Variants in MSRA observed in about 807,000 individuals in gnomAD.
MSRA encodes the protein mitochondrial peptide methionine sulfoxide reductase.
MSRA carries 54 observed loss-of-function variants against 31.3 expected under a neutral mutation model. That is an observed-to-expected ratio of 1.73 (90% CI 1.39 to 2.17). The LOEUF (loss-of-function observed/expected upper bound fraction) is 2.17. Among genes scored for constraint, MSRA ranks in the 30% most tolerant of loss-of-function variants. The pLI, the probability that MSRA is intolerant of heterozygous loss-of-function variation, is 0.00. For missense variants in MSRA, 507 were observed against 300.9 expected (o/e 1.69, Z -5.07); for synonymous variants, 169 against 116.5 (o/e 1.45, Z -2.90).
Position 10,212,505 on chromosome 8 carries a change from C to A in MSRA, c.211+4604C>A, listed in dbSNP as rs368286734. 6.6e-5 allele frequency among the ~76,000 whole-genome samples: 10 copies of A among 152,228 alleles called. No individual in the cohort carries two copies. In the East Asian group the frequency reaches 1.4e-3, roughly 21 times the overall value. ...ATTGGATTGTATATAATGTCACATCCACACTAGTAGTTACGCTAACTTTGG... is the reference window on the plus strand; with the variant it reads ...ATTGGATTGTATATAATGTCACATCAACACTAGTAGTTACGCTAACTTTGG... On this transcript the variant is annotated intron_variant, in intron 2 of 5. Coordinates refer to ENST00000317173, the MANE Select transcript of MSRA (RefSeq NM_012331.5).
chr8:10,081,997 T>A (rs929285346), intron 1 of MSRA, among the ~76,000 whole-genome samples: 2 of 151,770 alleles, frequency 1.3e-5, no homozygotes, highest in East Asian at 3.9e-4. Context: ...AAGCTCAGAG[T>A]TTGAGACTAG....
chr8:10,344,973 G>GTTT (rs1181077438), intron 5 of MSRA, among the ~76,000 whole-genome samples: 1 of 152,124 alleles, frequency 6.6e-6, no homozygotes, highest in Non-Finnish European at 1.5e-5. Flanking sequence ...CTCATTCATG[G>GTTT]GACAGCATTC....
intron 1 of MSRA, among the ~76,000 whole-genome samples, chr8:10,198,929 G>C (rs1450682296): frequency 1.3e-5 from 2 of 152,212 alleles, no homozygotes; most frequent in African/African-American, 4.8e-5. Context: ...GTAGGAGAAA[G>C]CTTGTCTCAC....
chr8:10,362,275 T>A (rs1447887991), intron 5 of MSRA, among the ~76,000 whole-genome samples: 1 of 152,120 alleles, frequency 6.6e-6, no homozygotes, highest in Non-Finnish European at 1.5e-5. Flanking sequence ...TTAGGAGCAC[T>A]CCTGTCAATG....
At chr8:10,159,789 G>A (rs902351237) in intron 1 of MSRA, among the ~76,000 whole-genome samples, 3 of 152,162 alleles carry the variant, frequency 2.0e-5, no homozygotes, top group African/African-American at 7.2e-5. Context: ...TGGACCATAT[G>A]TCATGAAGAG....
chr8:10,124,584 C>A (rs529864771), intron 1 of MSRA, among the ~76,000 whole-genome samples: 1 of 152,268 alleles, frequency 6.6e-6, no homozygotes, highest in African/African-American at 2.4e-5. Flanking sequence ...AAATAAGTTT[C>A]CTTTATGAGA....
chr8:10,082,442 C>T (rs1165401963), intron 1 of MSRA, among the ~76,000 whole-genome samples: 1 of 152,120 alleles, frequency 6.6e-6, no homozygotes, highest in Non-Finnish European at 1.5e-5. Context: ...TCCTTCCCAG[C>T]CCTCCTTCCT....
intron 4 of MSRA, among the ~76,000 whole-genome samples, chr8:10,303,978 C>T (rs948954361): frequency 6.6e-6 from 1 of 152,144 alleles, no homozygotes; most frequent in Non-Finnish European, 1.5e-5. Flanking sequence ...ATCCTTTGCT[C>T]AAGCTGGAGT....
chr8:10,078,218 C>G (rs998956273), intron 1 of MSRA, among the ~76,000 whole-genome samples: 4 of 152,190 alleles, frequency 2.6e-5, no homozygotes, highest in Admixed American at 1.3e-4. Flanking sequence ...TCTGCTTTTT[C>G]TTTCCCTCTT....
intron 3 of MSRA, among the ~76,000 whole-genome samples, chr8:10,293,844 G>A (rs1375574336): frequency 6.6e-6 from 1 of 152,162 alleles, no homozygotes; most frequent in African/African-American, 2.4e-5. Context: ...AGCACAGGCT[G>A]AGAGCTGGCT....
intron 4 of MSRA, among the ~76,000 whole-genome samples, chr8:10,318,463 C>G (rs964096427): frequency 6.6e-5 from 10 of 152,242 alleles, no homozygotes; most frequent in Non-Finnish European, 1.5e-4. Flanking sequence ...GTGGAGGCTA[C>G]AGTTGACACA....
chr8:10,086,607 G>A (rs1295497171), intron 1 of MSRA, among the ~76,000 whole-genome samples: 1 of 152,194 alleles, frequency 6.6e-6, no homozygotes, highest in East Asian at 1.9e-4. Context: ...CTTAGGTGAG[G>A]AGTGAATGAG....
rs190020819 is a variant in MSRA, at chr8:10,082,058, T to G, written c.142+27400T>G. ...ACAGTACAAAAATATATTATGCAAT[T>G]TCCTTGGTGTGGTGGTGTGCACCCG... is the stretch of plus-strand genomic sequence containing the variant. On this transcript the variant is annotated intron_variant, in intron 1 of 5. Transcript: ENST00000317173. Among the ~76,000 whole-genome samples, 38 of 152,126 alleles carry G rather than the reference T, an allele frequency of 2.5e-4. No individual in the cohort carries two copies. The East Asian group carries it at 7.2e-3, about 29-fold the overall frequency.
At chr8:10,403,275 C>T (rs1042575860) in intron 5 of MSRA, among the ~76,000 whole-genome samples, 1 of 152,190 alleles carries the variant, frequency 6.6e-6, no homozygotes, top group Non-Finnish European at 1.5e-5. Context: ...AGCAAGGTGC[C>T]TCCCTGAGTG....
At chr8:10,282,472 C>T (rs1799672971) in intron 3 of MSRA, among the ~76,000 whole-genome samples, 1 of 152,204 alleles carries the variant, frequency 6.6e-6, no homozygotes, top group Non-Finnish European at 1.5e-5. Flanking sequence ...CTAGCAAAGC[C>T]ATATTTGCCA....
intron 3 of MSRA, among the ~76,000 whole-genome samples, chr8:10,248,727 T>C (rs1351409765): frequency 6.6e-6 from 1 of 152,182 alleles, no homozygotes; most frequent in Admixed American, 6.5e-5. Context: ...TGGCTTCTCA[T>C]AGTAGCTGAG....
chr8:10,077,261 G>T (rs1038816977), intron 1 of MSRA, among the ~76,000 whole-genome samples: 5 of 152,136 alleles, frequency 3.3e-5, no homozygotes, highest in African/African-American at 9.7e-5. Flanking sequence ...CCATGGCCAG[G>T]TGGGAAAGTG....
chr8:10,161,242 A>T (rs1346186197), intron 1 of MSRA, among the ~76,000 whole-genome samples: 2 of 152,168 alleles, frequency 1.3e-5, no homozygotes, highest in Admixed American at 6.5e-5. Flanking sequence ...TGCTGAGAAT[A>T]TTTATATAAT....
chr8:10,136,564 A>C (rs969957317), intron 1 of MSRA, among the ~76,000 whole-genome samples: 4 of 152,216 alleles, frequency 2.6e-5, no homozygotes, highest in African/African-American at 9.7e-5. Flanking sequence ...AATTTATAGC[A>C]CTTTGAAAAA....
Sources: gnomAD v4.1 joint callset for allele counts (sites outside exome capture counted in the v4.1 genomes callset) on GRCh38, gnomAD v4.1.1 for gene constraint, MANE v1.5 for transcripts, NCBI Gene and HGNC (gene_info 2026-07-23, HGNC 2026-07-21) for gene names.